Variants in EPB42 observed in about 807,000 individuals in gnomAD.
EPB42 encodes protein 4.2.
EPB42 carries 49 observed loss-of-function variants against 76.9 expected under a neutral mutation model. The observed-to-expected ratio is 0.64, with a 90% CI of 0.51 to 0.81. The LOEUF is 0.81. Among genes scored for constraint, EPB42 ranks in the 30% least tolerant of loss-of-function variants. EPB42 has a pLI of 0.00. For synonymous variants in EPB42, 310 were observed against 338.4 expected (o/e 0.92, Z 0.92); for missense variants, 731 against 867.6 (o/e 0.84, Z 1.98).
At chr15:43,215,004 G>C in intron 3 of EPB42, 91 bp downstream of exon 3, 1 of 1,095,244 alleles carries the variant, frequency 9.1e-7, no homozygotes, top group Non-Finnish European at 1.4e-6. Flanking sequence ...TGCCACAGGG[G>C]CCTGGTGCAG....
Position 43,206,811 on chromosome 15 carries a change from T to C in EPB42, c.1319-182A>G, listed in dbSNP as rs898518339. ...CTGTGTCAGGCAGCTCCACCACCGA[T>C]ACAGTGTGTCTCTTCCAAACCACTC... On this transcript the variant is annotated intron_variant, in intron 9 of 12. Coordinates refer to ENST00000441366, the MANE Select transcript of EPB42 (RefSeq NM_001114134.2). The surrounding 1 kb of genome is among the most constrained non-coding windows in gnomAD (Gnocchi z 4.7). 6.6e-6 allele frequency among the ~76,000 whole-genome samples: 1 copy of C among 152,176 alleles called. No homozygotes were observed. Among genetic ancestry groups the C allele is most frequent in the African/African-American group, 2.4e-5 (1 of 41,450 alleles).
intron 3 of EPB42, among the ~76,000 whole-genome samples, chr15:43,212,799 G>A (rs1167562768): frequency 6.6e-6 from 1 of 152,226 alleles, no homozygotes; most frequent in Non-Finnish European, 1.5e-5. Context: ...TGGGAAGCTA[G>A]AAGCAGGAGG....
At chr15:43,220,649 A>AACCCCCCCC in intron 1 of EPB42, 167 bp downstream of exon 1, 3 of 388,260 alleles carry the variant, frequency 7.7e-6, no homozygotes, top group South Asian at 3.5e-5. Flanking sequence ...CACCTACCAC[A>AACCCCCCCC]CCCCCCCCCC....
chr15:43,206,297 C>G lies in EPB42; in HGVS notation c.1618+33G>C. ...GCAGGGGCCATGTGTGTGTGTGTGT[C>G]GGGGGGTGTCTGGTGGGGCCATAGA... On this transcript the variant is annotated intron_variant, in intron 10 of 12. Coordinates refer to ENST00000441366, the MANE Select transcript of EPB42 (RefSeq NM_001114134.2). This position sits in a 1 kb window ranked among gnomAD's most constrained non-coding sequence, Gnocchi z 4.7. The G allele has an allele frequency of 6.3e-7, 1 of 1,575,466 alleles. No individual in the cohort carries two copies. Among genetic ancestry groups the G allele is most frequent in the Non-Finnish European group, 8.6e-7 (1 of 1,157,228 alleles).
intron 7 of EPB42, 94 bp from the exon 8 acceptor site, chr15:43,208,427 G>C: frequency 7.6e-6 from 11 of 1,451,302 alleles, no homozygotes; most frequent in Non-Finnish European, 1.1e-5. Flanking sequence ...TGTTGTTCCA[G>C]TGGGATGGGA....
intron 2 of EPB42, 29 bp from the exon 3 acceptor site, chr15:43,215,357 C>T (rs2042362666): frequency 6.2e-7 from 1 of 1,606,484 alleles, no homozygotes; most frequent in Non-Finnish European, 8.5e-7. Context: ...TAGTCTGTCA[C>T]TGGGACTTCT....
intron 12 of EPB42, among the ~76,000 whole-genome samples, chr15:43,199,838 G>T (rs937505119): frequency 6.6e-6 from 1 of 152,034 alleles, no homozygotes; most frequent in Non-Finnish European, 1.5e-5. Context: ...GATCTGATAG[G>T]TTTCTCATGG....
chr15:43,215,230 C>T lies in EPB42; in HGVS notation c.295G>A (p.Ala99Thr), dbSNP rs747532019. The T allele has an allele frequency of 1.2e-6, 2 of 1,614,082 alleles. No individual in the cohort carries two copies. The highest frequency in any genetic ancestry group is 8.5e-7 in the Non-Finnish European group (1 of 1,180,046). Residue 99 changes from alanine to threonine, a missense_variant, in exon 3 of 13, where the codon GCC becomes ACC. Transcript: ENST00000441366. ...GTCACAGAGATGGTCCAGGACTGGGCATCTCTCTCCTCCACCACTGCACTC... is the reference window on the plus strand; with the variant it reads ...GTCACAGAGATGGTCCAGGACTGGGTATCTCTCTCCTCCACCACTGCACTC... ...WWSAVVEERDAQSWTISVTTP... is the reference protein window; with the variant it reads ...WWSAVVEERDTQSWTISVTTP...
chr15:43,215,128 G>A lies in EPB42; in HGVS notation c.397C>T (p.Gln133Ter), dbSNP rs761994535. The change falls in exon 3 of 13, where the codon CAG (glutamine) becomes TAG (stop). Residue 133 changes from glutamine to a stop codon, truncating the protein, a stop_gained. Transcript: ENST00000441366. LOFTEE classifies it high-confidence loss of function. ...CAGGGGTTAAAAAGCAGTGTGAACTGACCCAAGAGGAGTTGCTTCCTGCCT... is the reference window on the plus strand; with the variant it reads ...CAGGGGTTAAAAAGCAGTGTGAACTAACCCAAGAGGAGTTGCTTCCTGCCT... ...VSGRKQLLLGQFTLLFNPWNR... is the reference protein window; with the variant it reads ...VSGRKQLLLG The A allele has an allele frequency of 1.2e-6, 2 of 1,614,190 alleles. No individual in the cohort carries two copies. The highest frequency in any genetic ancestry group is 1.7e-6 in the Non-Finnish European group (2 of 1,180,042).
intron 1 of EPB42, among the ~76,000 whole-genome samples, chr15:43,216,991 A>C (rs1490932763): frequency 6.6e-6 from 1 of 152,216 alleles, no homozygotes; most frequent in African/African-American, 2.4e-5. Context: ...CTAAAGTCTT[A>C]CTATAAACTC....
At chr15:43,201,810 AT>A in intron 12 of EPB42, 33 bp downstream of exon 12, 1 of 1,614,130 alleles carries the variant, frequency 6.2e-7, no homozygotes. Flanking sequence ...CCATTGAGAC[AT>A]TTCAGGGGGA....
chr15:43,219,197 C>T (rs1037073454), intron 1 of EPB42, among the ~76,000 whole-genome samples: 7 of 152,142 alleles, frequency 4.6e-5, no homozygotes, highest in African/African-American at 1.2e-4. Flanking sequence ...TGAAGAGGCG[C>T]GGACTGGCAC....
rs778167162 is a variant in EPB42 at position 43,216,325 on chromosome 15, C to A, written c.139G>T (p.Ala47Ser). Residue 47 changes from alanine to serine, a missense_variant, in exon 2 of 13, where the codon GCT becomes TCT. Physicochemically the swap from Ala to Ser is moderately conservative, Grantham distance 99 (BLOSUM62 1). Coordinates refer to ENST00000441366, the MANE Select transcript of EPB42 (RefSeq NM_001114134.2). ...GCAGGCAGAAATGCACGGACTGGAGCGCGGAAGTACAGGATGATGGTGAAG... is the reference window on the plus strand; with the variant it reads ...GCAGGCAGAAATGCACGGACTGGAGAGCGGAAGTACAGGATGATGGTGAAG... ...QPFTIILYFR[A>S]PVRAFLPALK... is the part of the protein sequence containing the mutation. 6.2e-7 allele frequency: 1 copy of A among 1,614,146 alleles called. No individual in the cohort carries two copies. Among genetic ancestry groups the A allele is most frequent in the South Asian group, 1.1e-5 (1 of 91,076 alleles).
chr15:43,204,504 C>G (rs1596405465), intron 10 of EPB42, among the ~76,000 whole-genome samples: 1 of 152,180 alleles, frequency 6.6e-6, no homozygotes, highest in African/African-American at 2.4e-5. Context: ...CACCTGCTGG[C>G]CAGCTCCACT....
chr15:43,222,304 G>A (rs939963677), upstream of EPB42, among the ~76,000 whole-genome samples: 2 of 152,136 alleles, frequency 1.3e-5, no homozygotes. Flanking sequence ...TTTCATACCT[G>A]CAATCAATAA....
intron 8 of EPB42, 104 bp downstream of exon 8, chr15:43,208,126 G>A (rs1007709911): frequency 6.2e-6 from 6 of 970,194 alleles, no homozygotes; most frequent in African/African-American, 1.6e-5. Context: ...TACTGTTTTC[G>A]AGGATGCAGA....
At chr15:43,198,716 T>C (rs949257601) in intron 12 of EPB42, among the ~76,000 whole-genome samples, 1 of 152,186 alleles carries the variant, frequency 6.6e-6, no homozygotes, top group Admixed American at 6.5e-5. Flanking sequence ...CTCCAGGCCA[T>C]GTCAGAGAAC....
rs143838364 is a variant in EPB42, at chr15:43,197,599, TG to T, written c.1914-136del. On this transcript the variant is annotated intron_variant, in intron 12 of 12. Coordinates refer to ENST00000441366, the MANE Select transcript of EPB42 (RefSeq NM_001114134.2). Reference sequence around the variant, plus strand: ...ACATCTAAGTACCTTGCTATTAAAATGGAAGTGTTTATAAAGGAATAGAAGA... The same window carrying T: ...ACATCTAAGTACCTTGCTATTAAAATGAAGTGTTTATAAAGGAATAGAAGA... 5.8e-3 allele frequency: 6,029 copies of T among 1,034,990 alleles called. 166 individuals carry two copies. In the African/African-American group the frequency reaches 0.061, roughly 10 times the overall value. The allele number at this position is 1,034,990 out of a possible 1,614,324, so 64.1% of individuals were successfully genotyped here. A position where few individuals can be genotyped will look rare whatever the true frequency, so the allele number is the denominator to read the frequency against.
intron 3 of EPB42, among the ~76,000 whole-genome samples, chr15:43,213,932 G>A (rs1180803310): frequency 6.6e-6 from 1 of 152,220 alleles, no homozygotes; most frequent in African/African-American, 2.4e-5. Context: ...GAGAAAAGCA[G>A]TCAGGAGCTG....
Sources: allele counts gnomAD v4.1 joint callset (sites outside exome capture counted in the v4.1 genomes callset), GRCh38; gene constraint gnomAD v4.1.1; non-coding constraint Gnocchi (gnomAD v3.1); transcripts MANE v1.5; gene names NCBI Gene and HGNC (gene_info 2026-07-23, HGNC 2026-07-21).